PABPC4: variants seen among roughly 807,000 people sequenced by gnomAD.
PABPC4 encodes poly(A) binding protein cytoplasmic 4.
A neutral mutation model predicts 74.5 loss-of-function variants in PABPC4; 15 were observed. The ratio of observed to expected loss-of-function variants is 0.20; its 90% CI spans 0.13 to 0.31. The LOEUF is 0.31. Among genes scored for constraint, PABPC4 ranks in the 10% least tolerant of loss-of-function variants. The pLI is 1.00. For synonymous variants in PABPC4, 345 were observed against 303.0 expected (o/e 1.14, Z -1.44); for missense variants, 610 against 853.5 (o/e 0.71, Z 3.55).
intron 15 of PABPC4, chr1:39,561,426 AC>A (rs1645767562): frequency 2.3e-6 from 1 of 437,056 alleles, no homozygotes; most frequent in Non-Finnish European, 4.2e-6. Context: ...AGCTTATTTT[AC>A]TGTCTCTTCT....
Position 39,569,921 on chromosome 1 carries a change from G to T in PABPC4, c.585C>A (p.Ile195=). Residue 195 remains isoleucine (I), a synonymous_variant, in exon 4 of 16, where the codon ATC becomes ATA. Coordinates refer to ENST00000372858, the MANE Select transcript of PABPC4 (RefSeq NM_001135653.2). ...AKAKEFTNVY[I]KNFGEEVDDE... ...CATCCACCTCTTCCCCAAAGTTTTT[G>T]ATATAAACATTGGTGAATTCCTTGG... 6.2e-7 allele frequency: 1 copy of T among 1,614,018 alleles called. No homozygotes were observed. Among genetic ancestry groups the T allele is most frequent in the Non-Finnish European group, 8.5e-7 (1 of 1,179,982 alleles).
At position 39,576,032 on chromosome 1, in the gene PABPC4, G is replaced by A. The variant is rs1468462705; in HGVS notation, c.-81C>T. ...CGCAGGACAAAGGGGCGCCTTCGGAGCCCGGGCCCGCGCCGCGGCTCACAG... is the reference window on the plus strand; with the variant it reads ...CGCAGGACAAAGGGGCGCCTTCGGAACCCGGGCCCGCGCCGCGGCTCACAG... On this transcript the variant is annotated 5_prime_UTR_variant, in exon 1 of 16. Coordinates refer to ENST00000372858, the MANE Select transcript of PABPC4 (RefSeq NM_001135653.2). 1 of 1,012,272 alleles carries A rather than the reference G, an allele frequency of 9.9e-7. No individual in the cohort carries two copies. Among genetic ancestry groups the A allele is most frequent in the African/African-American group, 1.7e-5 (1 of 58,970 alleles). The allele number at this position is 1,012,272 out of a possible 1,614,324, so 62.7% of individuals were successfully genotyped here.
chr1:39,571,716 G>A (rs1468388691), intron 2 of PABPC4: 3 of 427,080 alleles, frequency 7.0e-6, no homozygotes, highest in South Asian at 1.7e-5. Flanking sequence ...CTACAAAAAA[G>A]AAAAAAATTA....
chr1:39,562,765 TAA>T lies in PABPC4; in HGVS notation c.1669-351_1669-350del, dbSNP rs148049445. On this transcript the variant is annotated intron_variant, in intron 12 of 15. Coordinates refer to ENST00000372858, the MANE Select transcript of PABPC4 (RefSeq NM_001135653.2). ...TGAAAAGCCTTGATATAAATAAGGG[TAA>T]ACACTTGTATATAACCTTTTCCTGA... 728 of 210,954 alleles carry T rather than the reference TAA, an allele frequency of 3.5e-3. 3 individuals are homozygous for T. Among genetic ancestry groups the T allele is most frequent in the African/African-American group, 0.016 (687 of 43,530 alleles). The allele number at this position is 210,954 out of a possible 1,614,324, so 13.1% of individuals were successfully genotyped here. A position where few individuals can be genotyped will look rare whatever the true frequency, so the allele number is the denominator to read the frequency against.
chr1:39,569,312 G>A (rs1272868930), intron 5 of PABPC4, among the ~76,000 whole-genome samples: 1 of 152,194 alleles, frequency 6.6e-6, no homozygotes, highest in Non-Finnish European at 1.5e-5. Flanking sequence ...TATCAAATCA[G>A]CACTCACTGG....
chr1:39,569,817 G>A, intron 4 of PABPC4, 46 bp downstream of exon 4: 5 of 1,604,446 alleles, frequency 3.1e-6, no homozygotes, highest in Non-Finnish European at 4.3e-6. Context: ...AGAAAAAACA[G>A]ATGGGTCTGG....
chr1:39,569,532 G>C (rs527870543), intron 5 of PABPC4, 63 bp downstream of exon 5: 1 of 1,176,144 alleles, frequency 8.5e-7, no homozygotes, highest in African/African-American at 1.5e-5. Context: ...GTGCTAGCAA[G>C]ACCCTACCCA....
At chr1:39,571,072 C>A in intron 3 of PABPC4, 162 bp downstream of exon 3, 1 of 1,510,040 alleles carries the variant, frequency 6.6e-7, no homozygotes, top group Non-Finnish European at 8.8e-7. Context: ...AAAAGGGCTG[C>A]CACGGCTCAG....
chr1:39,565,303 C>G lies in PABPC4; in HGVS notation c.1048G>C (p.Val350Leu). 2.5e-6 allele frequency: 4 copies of G among 1,614,174 alleles called. No individual in the cohort carries two copies. Among genetic ancestry groups the G allele is most frequent in the Non-Finnish European group, 1.7e-6 (2 of 1,180,040 alleles). Residue 350 changes from valine to leucine, a missense_variant, in exon 8 of 16, where the codon GTC becomes CTC. Transcript: ENST00000372858. Reference protein sequence around the residue: ...FSSPEEATKAVTEMNGRIVGS... With the variant: ...FSSPEEATKALTEMNGRIVGS... ...ACAATGCGTCCATTCATCTCAGTGA[C>G]TGCTTTGGTTGCTTCTTCAGGAGAT...
At chr1:39,571,427 T>C in intron 2 of PABPC4, 78 bp from the exon 3 acceptor site, 1 of 1,568,850 alleles carries the variant, frequency 6.4e-7, no homozygotes, top group Non-Finnish European at 8.7e-7. Context: ...ATCTTGTGCC[T>C]GAGGAGACTC....
intron 7 of PABPC4, among the ~76,000 whole-genome samples, chr1:39,566,200 T>C (rs990582484): frequency 6.6e-6 from 1 of 152,046 alleles, no homozygotes; most frequent in African/African-American, 2.4e-5. Context: ...ATCTTGAGAG[T>C]AGTACTGAGC....
Position 39,562,177 on chromosome 1 carries a change from T to C in PABPC4, c.1789A>G (p.Thr597Ala). The C allele has an allele frequency of 6.2e-7, 1 of 1,614,146 alleles. No individual in the cohort carries two copies. ...TTCCCAGCCAGATTTGAATGCATTG[T>C]TTGGATGAGTGGGAACAAGCGTTCT... ...LGERLFPLIQ[T>A]MHSNLAGKIT... Residue 597 changes from threonine to alanine, a missense_variant, in exon 14 of 16, where the codon ACA (threonine) becomes GCA (alanine). By Grantham distance (58) the Thr-to-Ala change is moderately conservative. Transcript: ENST00000372858.
At chr1:39,567,155 A>C in intron 7 of PABPC4, among the ~76,000 whole-genome samples, 1 of 152,196 alleles carries the variant, frequency 6.6e-6, no homozygotes, top group Non-Finnish European at 1.5e-5. Context: ...TGTAGTCAGC[A>C]TTCTCTTGTT....
At position 39,576,517 on chromosome 1, in the gene PABPC4, G is replaced by C. The variant is rs1031605726; in HGVS notation, c.-566C>G. 6 of 150,296 alleles carry C rather than the reference G, an allele frequency of 4.0e-5. No individual in the cohort carries two copies. The highest frequency in any genetic ancestry group is 9.7e-5 in the African/African-American group (4 of 41,064). 9.3% of individuals were successfully genotyped at this position (150,296 alleles called of 1,614,324 possible). A position where few individuals can be genotyped will look rare whatever the true frequency, so the allele number is the denominator to read the frequency against. Reference sequence around the variant, plus strand: ...GGGCGCGGGGCTCGGGGCCCGAGCGGGGGGAGGGCACGGCGGGCCGGGCGG... The same window carrying C: ...GGGCGCGGGGCTCGGGGCCCGAGCGCGGGGAGGGCACGGCGGGCCGGGCGG... On this transcript the variant is annotated 5_prime_UTR_variant, in exon 1 of 16. Transcript: ENST00000372858.
intron 6 of PABPC4, chr1:39,568,069 AAC>A: frequency 2.7e-6 from 1 of 372,974 alleles, no homozygotes; most frequent in Non-Finnish European, 4.9e-6. Flanking sequence ...CATCCTGGCT[AAC>A]ACAGTGAAAC....
intron 15 of PABPC4, 193 bp from the exon 16 acceptor site, chr1:39,561,315 A>AG: frequency 2.9e-6 from 1 of 341,846 alleles, no homozygotes; most frequent in Non-Finnish European, 5.7e-6. Context: ...CTTTACCACT[A>AG]GATGACAAGG....
In PABPC4 at chr1:39,564,520, A is replaced by G. The variant is rs146371417; in HGVS notation, c.1356T>C (p.Ala452=). ...TTGGACGAGGCCCAGACTGGCGTAT[A>G]GCACTTGGCATTCCTTGGAAGCCTG... is the stretch of plus-strand genomic sequence containing the variant. The part of the protein sequence containing the change: ...RPQGFQGMPS[A]IRQSGPRPTL... Residue 452 remains alanine, a synonymous_variant, in exon 10 of 16, where the codon GCT becomes GCC. Transcript: ENST00000372858. 44 of 1,614,108 alleles carry G rather than the reference A, an allele frequency of 2.7e-5. No individual in the cohort carries two copies. Among genetic ancestry groups the G allele is most frequent in the Non-Finnish European group, 3.6e-5 (42 of 1,180,034 alleles).
chr1:39,562,006 C>T, intron 14 of PABPC4, 67 bp downstream of exon 14: 1 of 1,564,034 alleles, frequency 6.4e-7, no homozygotes, highest in Non-Finnish European at 8.7e-7. Context: ...TGCACCTGGG[C>T]ATCCAAGTTT....
chr1:39,562,046 A>C lies in PABPC4; in HGVS notation c.1893+27T>G, dbSNP rs772325247. The stretch of plus-strand genomic sequence containing the variant: ...CCAGTCTTCCCAAGCTGAGAACTGA[A>C]GCTGCAGGGTCTGAGCCCCAGCTCA... On this transcript the variant is annotated intron_variant, in intron 14 of 15. Transcript: ENST00000372858. 4.4e-6 allele frequency: 7 copies of C among 1,606,398 alleles called. No individual in the cohort carries two copies. The African/African-American group carries it at 8.0e-5, about 18-fold the overall frequency.
Sources: gnomAD v4.1 joint callset for allele counts (sites outside exome capture counted in the v4.1 genomes callset) on GRCh38, gnomAD v4.1.1 for gene constraint, MANE v1.5 for transcripts, NCBI Gene and HGNC (gene_info 2026-07-23, HGNC 2026-07-21) for gene names.